Variants in ADRA1A observed in about 807,000 individuals in gnomAD.
ADRA1A encodes the protein adrenoceptor alpha 1A.
A neutral mutation model predicts 29.6 loss-of-function variants in ADRA1A; 31 were observed. That is an observed-to-expected ratio of 1.05 (90% confidence interval 0.79 to 1.41). ADRA1A has a LOEUF of 1.41. Among genes scored for constraint, ADRA1A ranks in the 40% most tolerant of loss-of-function variants. The pLI is 0.00. For missense variants in ADRA1A, 619 were observed against 601.1 expected (o/e 1.03, Z -0.31); for synonymous variants, 311 against 254.3 (o/e 1.22, Z -2.12).
intron 2 of ADRA1A, among the ~76,000 whole-genome samples, chr8:26,808,027 C>T (rs1809125652): frequency 6.6e-6 from 1 of 152,224 alleles, no homozygotes; most frequent in South Asian, 2.1e-4. Flanking sequence ...ATAAGTAATA[C>T]ATTTACGTGG....
At chr8:26,807,809 A>G (rs1809106554) in intron 2 of ADRA1A, among the ~76,000 whole-genome samples, 1 of 152,130 alleles carries the variant, frequency 6.6e-6, no homozygotes, top group South Asian at 2.1e-4. Flanking sequence ...GAGACACACC[A>G]AAGAGGCCAG....
chr8:26,830,119 G>A lies in ADRA1A; in HGVS notation c.883+33968C>T, dbSNP rs201852027. ...TCAGAACTGTCAATAACCCAGCCTA[G>A]CCCAAAACTGTTAATGTATCACCTC... On this transcript the variant is annotated intron_variant, in intron 2 of 2. Coordinates refer to ENST00000380573, the MANE Select transcript of ADRA1A (RefSeq NM_000680.4). Among the ~76,000 whole-genome samples, 24 of 152,248 alleles carry A rather than the reference G, an allele frequency of 1.6e-4. No individual in the cohort carries two copies. The East Asian group carries it at 4.3e-3, about 27-fold the overall frequency.
At chr8:26,780,682 C>T (rs1001057348) in intron 2 of ADRA1A, among the ~76,000 whole-genome samples, 1 of 152,198 alleles carries the variant, frequency 6.6e-6, no homozygotes, top group Admixed American at 6.5e-5. Context: ...AGAAACCAGG[C>T]TGTATGGCAG....
intron 2 of ADRA1A, chr8:26,779,258 T>A (rs1281008983): frequency 1.0e-5 from 7 of 700,844 alleles, no homozygotes; most frequent in Non-Finnish European, 1.8e-5. Flanking sequence ...CCTTCTCCCT[T>A]TTTTTTGCCT....
intron 2 of ADRA1A, among the ~76,000 whole-genome samples, chr8:26,859,957 AG>A (rs1220385699): frequency 6.6e-6 from 1 of 151,926 alleles, no homozygotes; most frequent in African/African-American, 2.4e-5. Flanking sequence ...TAGTAAAGAC[AG>A]GGTTTCACCA....
chr8:26,814,629 A>C (rs2130560081), intron 2 of ADRA1A, among the ~76,000 whole-genome samples: 1 of 152,322 alleles, frequency 6.6e-6, no homozygotes, highest in South Asian at 2.1e-4. Flanking sequence ...ACTTCTTTAA[A>C]ATAAAGAAAT....
At chr8:26,836,876 C>T (rs1450548286) in intron 2 of ADRA1A, among the ~76,000 whole-genome samples, 1 of 152,116 alleles carries the variant, frequency 6.6e-6, no homozygotes, top group African/African-American at 2.4e-5. Context: ...AAGGGGAGTG[C>T]TTAGGTCCCT....
intron 2 of ADRA1A, among the ~76,000 whole-genome samples, chr8:26,803,469 C>T (rs984590493): frequency 6.6e-6 from 1 of 152,030 alleles, no homozygotes; most frequent in Non-Finnish European, 1.5e-5. Flanking sequence ...AAAGCTAAAC[C>T]TATAAAGCTT....
intron 2 of ADRA1A, among the ~76,000 whole-genome samples, chr8:26,810,225 C>G (rs1809282850): frequency 6.6e-6 from 1 of 152,220 alleles, no homozygotes; most frequent in African/African-American, 2.4e-5. Flanking sequence ...CATTCAATTT[C>G]TAGTAATTTA....
chr8:26,770,046 C>G lies in ADRA1A; in HGVS notation c.*103G>C. ...CCACCCCATTCCCAGCAGGTCCCCTCTTTGATTGGTCCTGTCTTGTCCTCC... is the reference window on the plus strand; with the variant it reads ...CCACCCCATTCCCAGCAGGTCCCCTGTTTGATTGGTCCTGTCTTGTCCTCC... On this transcript the variant is annotated 3_prime_UTR_variant, in exon 3 of 3. Coordinates refer to ENST00000380573, the MANE Select transcript of ADRA1A (RefSeq NM_000680.4). 6.7e-7 allele frequency: 1 copy of G among 1,484,858 alleles called. No homozygotes were observed. The highest frequency in any genetic ancestry group is 2.3e-5 in the East Asian group (1 of 43,662). The allele number at this position is 1,484,858 out of a possible 1,614,324, so 92.0% of individuals were successfully genotyped here.
chr8:26,757,082 A>G (rs1209477089), intron 2 of ADRA1A: 4 of 702,762 alleles, frequency 5.7e-6, no homozygotes, highest in Admixed American at 2.0e-5. Flanking sequence ...GCCAACACCA[A>G]TCCGTTCATC....
chr8:26,802,707 C>A (rs965330381), intron 2 of ADRA1A, among the ~76,000 whole-genome samples: 11 of 152,088 alleles, frequency 7.2e-5, no homozygotes, highest in Non-Finnish European at 1.5e-4. Context: ...TATGATCCAG[C>A]GATCCTACTG....
In ADRA1A at chr8:26,825,366, G is replaced by C. The variant is rs1810480135; in HGVS notation, c.883+38721C>G. 7.1e-6 allele frequency among the ~76,000 whole-genome samples: 1 copy of C among 140,034 alleles called. No homozygotes were observed. Among genetic ancestry groups the C allele is most frequent in the African/African-American group, 2.6e-5 (1 of 39,158 alleles). The allele number at this position is 140,034 out of a possible 152,430, so 91.9% of individuals were successfully genotyped here. On this transcript the variant is annotated intron_variant, in intron 2 of 2. Transcript: ENST00000380573. This position sits in a 1 kb window ranked among gnomAD's most constrained non-coding sequence, Gnocchi z 5.7. ...TTCCATGAAACACTCAAGTGGGAGA[G>C]TTTGGTTGTTTGACAAAAAATGGGG...
At chr8:26,783,868 T>C (rs1807173990) in intron 2 of ADRA1A, among the ~76,000 whole-genome samples, 1 of 152,226 alleles carries the variant, frequency 6.6e-6, no homozygotes, top group Non-Finnish European at 1.5e-5. Context: ...AATGAGATCA[T>C]GTCCTTTGCA....
Position 26,806,247 on chromosome 8 carries a change from C to T in ADRA1A, c.884-35581G>A, listed in dbSNP as rs1208848826. Among the ~76,000 whole-genome samples, 2 of 152,106 alleles carry T rather than the reference C, an allele frequency of 1.3e-5. No homozygotes were observed. Among genetic ancestry groups the T allele is most frequent in the African/African-American group, 4.8e-5 (2 of 41,420 alleles). Reference sequence around the variant, plus strand: ...AACTGCAAAATCACTTCCCTACAGCCTTCCTTCAGACAAGGTGGAACTGGC... The same window carrying T: ...AACTGCAAAATCACTTCCCTACAGCTTTCCTTCAGACAAGGTGGAACTGGC... On this transcript the variant is annotated intron_variant, in intron 2 of 2. Transcript: ENST00000380573. This position sits in a 1 kb window ranked among gnomAD's most constrained non-coding sequence, Gnocchi z 4.6.
downstream of ADRA1A, among the ~76,000 whole-genome samples, chr8:26,751,997 G>A (rs1427561817): frequency 6.6e-6 from 1 of 151,956 alleles, no homozygotes; most frequent in African/African-American, 2.4e-5. Flanking sequence ...ACATCATGTC[G>A]CTACCTTGAA....
chr8:26,837,414 G>T lies in ADRA1A; in HGVS notation c.883+26673C>A, dbSNP rs1378593785. Among the ~76,000 whole-genome samples, 11 of 152,154 alleles carry T rather than the reference G, an allele frequency of 7.2e-5. No individual in the cohort carries two copies. In the South Asian group the frequency reaches 2.3e-3, roughly 32 times the overall value. ...ACCGGTAATCCCAGCACTTTGGGAGGCTGAGGAGGGCAGATCACTTGAGGC... is the reference window on the plus strand; with the variant it reads ...ACCGGTAATCCCAGCACTTTGGGAGTCTGAGGAGGGCAGATCACTTGAGGC... On this transcript the variant is annotated intron_variant, in intron 2 of 2. Transcript: ENST00000380573.
chr8:26,849,711 C>T lies in ADRA1A; in HGVS notation c.883+14376G>A, dbSNP rs575469361. 5.3e-5 allele frequency among the ~76,000 whole-genome samples: 8 copies of T among 152,232 alleles called. No individual in the cohort carries two copies. The South Asian group carries it at 1.7e-3, about 32-fold the overall frequency. ...GAAGAAAAAGAGAAAAAGTACTGTT[C>T]CTATGAAAAGCTTCAGCTATTCAAT... is the stretch of plus-strand genomic sequence containing the variant. On this transcript the variant is annotated intron_variant, in intron 2 of 2. Coordinates refer to ENST00000380573, the MANE Select transcript of ADRA1A (RefSeq NM_000680.4).
chr8:26,857,097 A>G (rs1001045722), intron 2 of ADRA1A, among the ~76,000 whole-genome samples: 2 of 152,168 alleles, frequency 1.3e-5, no homozygotes, highest in African/African-American at 4.8e-5. Context: ...ATGAAACAGC[A>G]GTGATGCTGG....
Sources: allele counts gnomAD v4.1 joint callset (sites outside exome capture counted in the v4.1 genomes callset), GRCh38; gene constraint gnomAD v4.1.1; non-coding constraint Gnocchi (gnomAD v3.1); transcripts MANE v1.5; gene names NCBI Gene and HGNC (gene_info 2026-07-23, HGNC 2026-07-21).